The following SMARCC1 variants were observed in gnomAD, a reference collection of about 807,000 sequenced individuals.
SMARCC1 encodes the protein SWI/SNF complex subunit SMARCC1.
SMARCC1 carries 43 observed loss-of-function variants against 147.4 expected under a neutral mutation model. The ratio of observed to expected loss-of-function variants is 0.29; its 90% CI spans 0.23 to 0.38. The LOEUF is 0.38. SMARCC1 is among the 10% of genes least tolerant of loss of function. The pLI, the probability that SMARCC1 is intolerant of heterozygous loss-of-function variation, is 1.00. For missense variants in SMARCC1, 1,119 were observed against 1,381.1 expected, an observed-to-expected ratio of 0.81 and a Z score of 3.01; for synonymous variants, 495 against 484.4, an observed-to-expected ratio of 1.02 and a Z score of -0.29.
intron 6 of SMARCC1, among the ~76,000 whole-genome samples, chr3:47,722,381 T>C (rs2034244085): frequency 7.3e-6 from 1 of 136,624 alleles, no homozygotes; most frequent in African/African-American, 2.7e-5. Context: ...CACCACAACC[T>C]CTGCCTCCCG....
chr3:47,746,179 T>C (rs2034562206), intron 2 of SMARCC1, 186 bp from the exon 3 acceptor site: 6 of 463,238 alleles, frequency 1.3e-5, no homozygotes, highest in Admixed American at 4.2e-5. Flanking sequence ...CTGGGCATGG[T>C]GGCTCATGCC....
chr3:47,588,977 C>T (rs928419063), intron 27 of SMARCC1, among the ~76,000 whole-genome samples: 3 of 152,002 alleles, frequency 2.0e-5, no homozygotes, highest in Non-Finnish European at 4.4e-5. Context: ...CAAAAGAACC[C>T]GAGAGATCAT....
Position 47,701,344 on chromosome 3 carries a change from G to T in SMARCC1, c.1099C>A (p.Leu367Ile), listed in dbSNP as rs551503004. Residue 367 changes from leucine to isoleucine, a missense_variant, in exon 11 of 28, where the codon CTA becomes ATA. Leu to Ile is a conservative substitution (Grantham distance 5). Around this residue, in one of 6 missense-constraint regions of SMARCC1, gnomAD observed 542 missense variants for 611.8 expected, o/e 0.89. Coordinates refer to ENST00000254480, the MANE Select transcript of SMARCC1 (RefSeq NM_003074.4). ...SQKEEDEQED[L>I]TKDMEDPTPV... ...GTTGGGTCTTCCATATCCTTGGTTA[G>T]ATCTTCTTGCTCATCTTCCTCTTTC... 8 of 1,613,204 alleles carry T rather than the reference G, an allele frequency of 5.0e-6. No homozygotes were observed. The highest frequency in any genetic ancestry group is 3.3e-5 in the Admixed American group (2 of 59,996).
chr3:47,705,323 C>CAA (rs754344034), intron 10 of SMARCC1, among the ~76,000 whole-genome samples: 1,681 of 103,488 alleles, frequency 0.016, 35 homozygotes, highest in Non-Finnish European at 0.02. Context: ...GACTCCGTCT[C>CAA]AAAAAAAAAA....
intron 14 of SMARCC1, among the ~76,000 whole-genome samples, chr3:47,681,082 T>A (rs1263897979): frequency 6.6e-6 from 1 of 152,206 alleles, no homozygotes; most frequent in Non-Finnish European, 1.5e-5. Context: ...CTATACATTT[T>A]ATTATTTTTT....
intron 1 of SMARCC1, 119 bp from the exon 2 acceptor site, chr3:47,773,055 A>G (rs1189164172): frequency 1.2e-6 from 1 of 810,410 alleles, no homozygotes; most frequent in Non-Finnish European, 2.0e-6. Flanking sequence ...TGTCTGAGAC[A>G]CGCTCTGTGC....
chr3:47,646,942 T>C (rs1161081025), intron 21 of SMARCC1, among the ~76,000 whole-genome samples: 1 of 152,210 alleles, frequency 6.6e-6, no homozygotes, highest in Admixed American at 6.5e-5. Flanking sequence ...ACATTCTTTG[T>C]GAAGACTTCC....
At chr3:47,614,362 G>A (rs1284384949) in intron 25 of SMARCC1, among the ~76,000 whole-genome samples, 2 of 152,126 alleles carry the variant, frequency 1.3e-5, no homozygotes, top group Non-Finnish European at 2.9e-5. Flanking sequence ...ACTGGGTATG[G>A]CTTTCTAATC....
intron 26 of SMARCC1, among the ~76,000 whole-genome samples, chr3:47,603,005 A>G (rs749960285): frequency 3.9e-5 from 6 of 152,134 alleles, no homozygotes; most frequent in Admixed American, 6.5e-5. Flanking sequence ...ATCCATGCCT[A>G]TGGAGAGCAG....
intron 3 of SMARCC1, among the ~76,000 whole-genome samples, chr3:47,740,074 T>A (rs2034490608): frequency 6.6e-6 from 1 of 150,762 alleles, no homozygotes; most frequent in African/African-American, 2.4e-5. Context: ...TTCACCATGT[T>A]GGCCAGGCTG....
intron 2 of SMARCC1, among the ~76,000 whole-genome samples, chr3:47,749,539 T>C: frequency 6.6e-6 from 1 of 151,662 alleles, no homozygotes; most frequent in African/African-American, 2.4e-5. Context: ...TAGTGGCACA[T>C]GCCTGTGGTC....
chr3:47,766,634 A>G (rs1006806310), intron 2 of SMARCC1, among the ~76,000 whole-genome samples: 2 of 152,200 alleles, frequency 1.3e-5, no homozygotes, highest in Non-Finnish European at 2.9e-5. Flanking sequence ...TTATGTATGC[A>G]CACGTACTAA....
At chr3:47,734,857 A>G (rs775547975) in intron 5 of SMARCC1, among the ~76,000 whole-genome samples, 14 of 152,214 alleles carry the variant, frequency 9.2e-5, no homozygotes, top group Non-Finnish European at 7.3e-5. Context: ...TCCTGGGTTC[A>G]AGTGATTCTC....
Position 47,781,617 on chromosome 3 carries a change from T to C in SMARCC1, c.181A>G (p.Lys61Glu). ...QLDSVRVWLG[K>E]HYKKYVHADA... ...CGCGAACCCACCTTCTTGTAGTGCT[T>C]GCCCAGCCAGACCCGCACCGAATCC... The change falls in exon 1 of 28, where the codon AAG becomes GAG. Residue 61 changes from lysine to glutamate, a missense_variant. Coordinates refer to ENST00000254480, the MANE Select transcript of SMARCC1 (RefSeq NM_003074.4). The C allele has an allele frequency of 2.6e-6, 4 of 1,549,948 alleles. No homozygotes were observed. Among genetic ancestry groups the C allele is most frequent in the Non-Finnish European group, 3.5e-6 (4 of 1,152,734 alleles).
Position 47,751,551 on chromosome 3 carries a change from A to C in SMARCC1, c.316-5558T>G, listed in dbSNP as rs201410442. Among the ~76,000 whole-genome samples, 168 of 26,822 alleles carry C rather than the reference A, an allele frequency of 6.3e-3. 2 individuals carry two copies. Among genetic ancestry groups the C allele is most frequent in the Non-Finnish European group, 0.019 (127 of 6,740 alleles). 17.6% of individuals were successfully genotyped at this position (26,822 alleles called of 152,430 possible). On this transcript the variant is annotated intron_variant, in intron 2 of 27. Coordinates refer to ENST00000254480, the MANE Select transcript of SMARCC1 (RefSeq NM_003074.4). ...GCAAGACTCTGTCTCAAAAAAAAAA[A>C]AAAAGAAAACAAAACTGACATTCAA...
At chr3:47,651,099 GT>G (rs2033184111) in intron 21 of SMARCC1, among the ~76,000 whole-genome samples, 1 of 152,126 alleles carries the variant, frequency 6.6e-6, no homozygotes, top group African/African-American at 2.4e-5. Context: ...GAGTCCAGGA[GT>G]TTGAGACCAG....
At chr3:47,737,742 G>A (rs1246921855) in intron 4 of SMARCC1, among the ~76,000 whole-genome samples, 2 of 151,810 alleles carry the variant, frequency 1.3e-5, no homozygotes, top group Admixed American at 6.6e-5. Context: ...TGCAAGCTCC[G>A]CCTCCCAGGT....
chr3:47,743,358 T>G (rs2034530340), intron 3 of SMARCC1, among the ~76,000 whole-genome samples: 2 of 152,198 alleles, frequency 1.3e-5, no homozygotes, highest in Non-Finnish European at 2.9e-5. Context: ...AAATTCTTAT[T>G]CCTGACAATG....
chr3:47,731,278 G>A (rs2034371419), intron 5 of SMARCC1, among the ~76,000 whole-genome samples: 1 of 152,156 alleles, frequency 6.6e-6, no homozygotes, highest in South Asian at 2.1e-4. Context: ...GTTTTGTCAT[G>A]AGATCGCGGC....
Sources: gnomAD v4.1 joint callset for allele counts (sites outside exome capture counted in the v4.1 genomes callset) on GRCh38, gnomAD v4.1.1 for gene constraint, gnomAD v4.1.1 regional missense constraint, MANE v1.5 for transcripts, NCBI Gene and HGNC (gene_info 2026-07-23, HGNC 2026-07-21) for gene names.